Variants in LY86 observed in about 807,000 individuals in gnomAD.
LY86 encodes the protein MD-1, RP105-associated.
In LY86, 20 loss-of-function variants were observed where a neutral mutation model predicts 17.3. That is an observed-to-expected ratio of 1.15 (90% CI 0.81 to 1.68). The LOEUF (loss-of-function observed/expected upper bound fraction) is 1.68. Among genes scored for constraint, LY86 ranks in the 40% most tolerant of loss-of-function variants. The pLI, the probability that LY86 is intolerant of heterozygous loss-of-function variation, is 0.00. For synonymous variants in LY86, 74 were observed against 70.6 expected (o/e 1.05, Z -0.24); for missense variants, 200 against 191.9 (o/e 1.04, Z -0.25).
chr6:6,607,533 A>G (rs1464694840), intron 1 of LY86, among the ~76,000 whole-genome samples: 1 of 152,226 alleles, frequency 6.6e-6, no homozygotes, highest in Non-Finnish European at 1.5e-5. Context: ...ATTAAATCCA[A>G]AAGAATGCTG....
intron 1 of LY86, among the ~76,000 whole-genome samples, chr6:6,613,053 T>C (rs762224237): frequency 1.3e-5 from 2 of 152,214 alleles, no homozygotes; most frequent in South Asian, 4.1e-4. Context: ...GACATAAAGC[T>C]TCTCCAAGTC....
At position 6,611,598 on chromosome 6, in the gene LY86, G is replaced by A. The variant is rs535569898; in HGVS notation, c.137-13328G>A. On this transcript the variant is annotated intron_variant, in intron 1 of 4. Transcript: ENST00000230568. The stretch of plus-strand genomic sequence containing the variant: ...GCCTCCACAGCTTCCAAGGCAAAGC[G>A]CTGCTACCTGTCCACCGTGTGGCAG... Among the ~76,000 whole-genome samples, 103 of 152,292 alleles carry A rather than the reference G, an allele frequency of 6.8e-4. 1 individual carries two copies. Among genetic ancestry groups the A allele is most frequent in the African/African-American group, 2.3e-3 (97 of 41,562 alleles).
chr6:6,611,647 T>C (rs1444330288), intron 1 of LY86, among the ~76,000 whole-genome samples: 2 of 152,226 alleles, frequency 1.3e-5, no homozygotes, highest in Non-Finnish European at 1.5e-5. Context: ...CACTGGTGCC[T>C]CCCTGTTCTC....
At chr6:6,650,359 G>A (rs1198560441) in intron 4 of LY86, among the ~76,000 whole-genome samples, 1 of 143,038 alleles carries the variant, frequency 7.0e-6, no homozygotes. Context: ...TTTTTTGAGA[G>A]AGTCTTGTTC....
At chr6:6,608,360 A>G (rs886586148) in intron 1 of LY86, among the ~76,000 whole-genome samples, 4 of 152,268 alleles carry the variant, frequency 2.6e-5, no homozygotes, top group African/African-American at 9.6e-5. Context: ...GCTAGCATGC[A>G]TCGCGTTACT....
chr6:6,611,445 TAGGGCTCAGAAC>T (rs761332976), intron 1 of LY86, among the ~76,000 whole-genome samples: 12 of 152,206 alleles, frequency 7.9e-5, no homozygotes, highest in Admixed American at 2.0e-4. Flanking sequence ...AATACATACG[TAGGGCTCAGAAC>T]AGGACCTGCT....
At chr6:6,591,543 A>G (rs1005360355) in intron 1 of LY86, 16 of 153,750 alleles carry the variant, frequency 1.0e-4, no homozygotes, top group African/African-American at 3.9e-4. Context: ...TACTAATGAT[A>G]ACACCTCATG....
chr6:6,620,440 G>A (rs970306875), intron 1 of LY86, among the ~76,000 whole-genome samples: 1 of 152,200 alleles, frequency 6.6e-6, no homozygotes, highest in Non-Finnish European at 1.5e-5. Flanking sequence ...AGCCAGCAAC[G>A]CAGAGGCCAC....
intron 1 of LY86, among the ~76,000 whole-genome samples, chr6:6,618,027 G>C (rs1195651438): frequency 3.3e-5 from 5 of 152,152 alleles, no homozygotes; most frequent in African/African-American, 1.2e-4. Context: ...TTTTAATAGA[G>C]ATGGGGTTTC....
chr6:6,630,380 G>C (rs1488140932), intron 3 of LY86, among the ~76,000 whole-genome samples: 1 of 152,182 alleles, frequency 6.6e-6, no homozygotes, highest in Non-Finnish European at 1.5e-5. Context: ...CAGGCTGTGG[G>C]CTCACTGAGA....
chr6:6,590,205 A>G (rs75451190), intron 1 of LY86, among the ~76,000 whole-genome samples: 2,703 of 151,790 alleles, frequency 0.018, 90 homozygotes, highest in African/African-American at 0.062. Flanking sequence ...TCTGCTAGGA[A>G]TACGTTCCAA....
At chr6:6,612,069 T>C (rs1255987879) in intron 1 of LY86, among the ~76,000 whole-genome samples, 5 of 152,114 alleles carry the variant, frequency 3.3e-5, no homozygotes, top group African/African-American at 9.7e-5. Context: ...AAAAAGCCAA[T>C]GTATTAGCAA....
At chr6:6,600,615 AAAAAAAAAAAAAAG>A (rs1760875187) in intron 1 of LY86, among the ~76,000 whole-genome samples, 1 of 140,746 alleles carries the variant, frequency 7.1e-6, no homozygotes, top group Admixed American at 7.2e-5. Flanking sequence ...AAAAAAAAAA[AAAAAAAAAAAAAAG>A]AAAATATAGC....
chr6:6,649,614 T>A lies in LY86; in HGVS notation c.353-11T>A. The A allele has an allele frequency of 2.0e-6, 3 of 1,520,402 alleles. No individual in the cohort carries two copies. The highest frequency in any genetic ancestry group is 2.7e-6 in the Non-Finnish European group (3 of 1,105,262). 94.2% of individuals were successfully genotyped at this position (1,520,402 alleles called of 1,614,324 possible). A position where few individuals can be genotyped will look rare whatever the true frequency, so the allele number is the denominator to read the frequency against. ...TGAATAACATCATCTATGCTTTATATATTTTTTCAGAGCAGATTTACTATG... is the reference window on the plus strand; with the variant it reads ...TGAATAACATCATCTATGCTTTATAAATTTTTTCAGAGCAGATTTACTATG... On this transcript the variant is annotated splice_polypyrimidine_tract_variant and intron_variant, in intron 3 of 4. Coordinates refer to ENST00000230568, the MANE Select transcript of LY86 (RefSeq NM_004271.4).
At chr6:6,607,642 G>A (rs939266516) in intron 1 of LY86, among the ~76,000 whole-genome samples, 2 of 152,192 alleles carry the variant, frequency 1.3e-5, no homozygotes, top group African/African-American at 2.4e-5. Flanking sequence ...GCTCATGCCT[G>A]TAATCCCAGC....
In LY86 at chr6:6,649,693, C is replaced by A. The variant is rs770562293; in HGVS notation, c.405+16C>A. ...TATTCCTCAGGTAAGATATTACTTACTTCTTGTATTAAATAGTTTGTTTCT... is the reference window on the plus strand; with the variant it reads ...TATTCCTCAGGTAAGATATTACTTAATTCTTGTATTAAATAGTTTGTTTCT... On this transcript the variant is annotated intron_variant, in intron 4 of 4. Transcript: ENST00000230568. 14 of 1,460,398 alleles carry A rather than the reference C, an allele frequency of 9.6e-6. No homozygotes were observed. The highest frequency in any genetic ancestry group is 1.7e-5 in the Admixed American group (1 of 58,508). 90.5% of individuals were successfully genotyped at this position (1,460,398 alleles called of 1,614,324 possible). A position where few individuals can be genotyped will look rare whatever the true frequency, so the allele number is the denominator to read the frequency against.
intron 3 of LY86, among the ~76,000 whole-genome samples, chr6:6,649,364 A>G (rs1391048136): frequency 6.6e-6 from 1 of 152,242 alleles, no homozygotes; most frequent in Non-Finnish European, 1.5e-5. Flanking sequence ...AATGTAAGCA[A>G]TGTGTGGACA....
rs368465880 is a variant in LY86 at position 6,603,592 on chromosome 6, AAAAACAGAAACAG to A, written c.136+14727_136+14739del. ...CCAAAACAAAGCCAAAGCCAAAAACAAAAACAGAAACAGAAAAAAAAACAAACAAAAAAAAACA... is the reference window on the plus strand; with the variant it reads ...CCAAAACAAAGCCAAAGCCAAAAACAAAAAAAAAACAAACAAAAAAAAACA... On this transcript the variant is annotated intron_variant, in intron 1 of 4. Transcript: ENST00000230568. Among the ~76,000 whole-genome samples, 64 of 73,628 alleles carry A rather than the reference AAAAACAGAAACAG, an allele frequency of 8.7e-4. 1 individual carries two copies. Among genetic ancestry groups the A allele is most frequent in the Middle Eastern group, 6.8e-3 (1 of 146 alleles). The allele number at this position is 73,628 out of a possible 152,430, so 48.3% of individuals were successfully genotyped here.
chr6:6,594,426 C>G lies in LY86; in HGVS notation c.136+5556C>G, dbSNP rs115481999. ...ACAGTTTTATTTGACACAGCTGCAC[C>G]CATTCTTTTAGATGTTGTTTATGCT... On this transcript the variant is annotated intron_variant, in intron 1 of 4. Coordinates refer to ENST00000230568, the MANE Select transcript of LY86 (RefSeq NM_004271.4). 5.7e-3 allele frequency among the ~76,000 whole-genome samples: 846 copies of G among 147,912 alleles called. 15 individuals carry two copies. In the East Asian group the frequency reaches 0.07, roughly 12 times the overall value.
Sources: allele counts gnomAD v4.1 joint callset (sites outside exome capture counted in the v4.1 genomes callset), GRCh38; gene constraint gnomAD v4.1.1; transcripts MANE v1.5; gene names NCBI Gene and HGNC (gene_info 2026-07-23, HGNC 2026-07-21).